The following PLA2G6 variants were observed in gnomAD, a reference collection of about 807,000 sequenced individuals.
The protein encoded by PLA2G6 is 85/88 kDa calcium-independent phospholipase A2.
A neutral mutation model predicts 83.8 loss-of-function variants in PLA2G6; 62 were observed. The ratio of observed to expected loss-of-function variants is 0.74; its 90% confidence interval spans 0.60 to 0.91. The LOEUF (loss-of-function observed/expected upper bound fraction) is 0.91, where lower values mean the gene tolerates loss of function less well. Among genes scored for constraint, PLA2G6 ranks in the 40% least tolerant of loss-of-function variants. The pLI is 0.00. For missense variants in PLA2G6, 944 were observed against 1,102.0 expected (o/e 0.86, Z 2.03); for synonymous variants, 417 against 449.8 (o/e 0.93, Z 0.92).
At chr22:38,122,603 T>C (rs749894739) in intron 11 of PLA2G6, among the ~76,000 whole-genome samples, 13 of 152,160 alleles carry the variant, frequency 8.5e-5, no homozygotes, top group Non-Finnish European at 1.8e-4. Flanking sequence ...TGACTTCACG[T>C]CATCCCTCCC....
At chr22:38,157,992 C>T (rs1012542549) in intron 2 of PLA2G6, among the ~76,000 whole-genome samples, 1 of 151,278 alleles carries the variant, frequency 6.6e-6, no homozygotes, top group African/African-American at 2.4e-5. Flanking sequence ...GCTGAGATTG[C>T]ACCACCGCAC....
At chr22:38,138,676 ATT>A (rs1168875209) in intron 5 of PLA2G6, 1 of 151,532 alleles carries the variant, frequency 6.6e-6, no homozygotes, top group Non-Finnish European at 1.5e-5. Context: ...GTTAGATAGT[ATT>A]TTTTTTCTTG....
chr22:38,126,448 T>A lies in PLA2G6; in HGVS notation c.1350A>T (p.Glu450Asp). ...GTGAGATGTGCATGAGATCCTGTAG[T>A]TCTGTGAGGCACAGAGCAGGGCATG... ...QPPPISLNNL[E>D]LQDLMHISRA... The change falls in exon 10 of 17, where the codon GAA becomes GAT. Residue 450 changes from glutamate to aspartate, a missense_variant and splice_region_variant. By Grantham distance (45) the Glu-to-Asp change is conservative. Transcript: ENST00000332509. The A allele has an allele frequency of 6.2e-7, 1 of 1,612,098 alleles. No individual in the cohort carries two copies. Among genetic ancestry groups the A allele is most frequent in the East Asian group, 2.2e-5 (1 of 44,874 alleles).
In PLA2G6 at chr22:38,129,537, G is replaced by C. The variant is rs376497527; in HGVS notation, c.1103C>G (p.Ala368Gly). 6.2e-7 allele frequency: 1 copy of C among 1,613,494 alleles called. No homozygotes were observed. The highest frequency in any genetic ancestry group is 1.3e-5 in the African/African-American group (1 of 74,914). Residue 368 changes from alanine (A) to glycine (G), a missense_variant, in exon 8 of 17, where the codon GCC becomes GGC. Coordinates refer to ENST00000332509, the MANE Select transcript of PLA2G6 (RefSeq NM_003560.4). Reference protein sequence around the residue: ...MSKDNVEMIKALIVFGAEVDT... With the variant: ...MSKDNVEMIKGLIVFGAEVDT... ...CACTTCTGCTCCGAACACGATGAGG[G>C]CCTTGATCATCTCCACGTTGTCTTT...
At chr22:38,157,176 A>G (rs901613857) in intron 2 of PLA2G6, among the ~76,000 whole-genome samples, 2 of 152,160 alleles carry the variant, frequency 1.3e-5, no homozygotes, top group African/African-American at 4.8e-5. Context: ...AACAAAATAA[A>G]GTTTTTTGAA....
chr22:38,129,677 C>T (rs2088090729), intron 7 of PLA2G6, 115 bp from the exon 8 acceptor site: 2 of 755,150 alleles, frequency 2.6e-6, no homozygotes, highest in Non-Finnish European at 4.8e-6. Flanking sequence ...CTCCTCAGCA[C>T]GGGGAGACAC....
chr22:38,122,984 G>T lies in PLA2G6; in HGVS notation c.1591+111C>A, dbSNP rs942232118. 3.7e-6 allele frequency: 4 copies of T among 1,071,704 alleles called. 1 individual carries two copies. Among genetic ancestry groups the T allele is most frequent in the Non-Finnish European group, 4.1e-6 (3 of 727,072 alleles). 66.4% of individuals were successfully genotyped at this position (1,071,704 alleles called of 1,614,324 possible). A position where few individuals can be genotyped will look rare whatever the true frequency, so the allele number is the denominator to read the frequency against. On this transcript the variant is annotated intron_variant, in intron 11 of 16. Coordinates refer to ENST00000332509, the MANE Select transcript of PLA2G6 (RefSeq NM_003560.4). The stretch of plus-strand genomic sequence containing the variant: ...CCCCTGCCTCCTCAAAGTGCTTATA[G>T]CCCTCCTCTACTCCTCCACTCTCTT...
At position 38,145,544 on chromosome 22, in the gene PLA2G6, G is replaced by A; in HGVS notation, c.319C>T (p.Leu107=). ...CGGATGAGGTCGGTCAGGTGCTGCA[G>A]GACCTCAGTGTGCAGGACCTGAGGG... is the stretch of plus-strand genomic sequence containing the variant. ...SSPQVLHTEV[L]QHLTDLIRNH... is the part of the protein sequence containing the mutation. The change falls in exon 3 of 17, where the codon CTG becomes TTG. Residue 107 remains leucine (L), a synonymous_variant. Transcript: ENST00000332509. The A allele has an allele frequency of 6.2e-7, 1 of 1,613,394 alleles. No individual in the cohort carries two copies. Among genetic ancestry groups the A allele is most frequent in the Non-Finnish European group, 8.5e-7 (1 of 1,179,530 alleles).
At chr22:38,167,450 C>A (rs1229065874) in intron 2 of PLA2G6, among the ~76,000 whole-genome samples, 1 of 152,024 alleles carries the variant, frequency 6.6e-6, no homozygotes, top group African/African-American at 2.4e-5. Flanking sequence ...TAGTGGTATC[C>A]CCAGGGCCGT....
rs985807665 is a variant in PLA2G6 at position 38,132,691 on chromosome 22, G to C, written c.1077+140C>G. 8.8e-6 allele frequency: 7 copies of C among 795,254 alleles called. No individual in the cohort carries two copies. The highest frequency in any genetic ancestry group is 1.4e-5 in the Non-Finnish European group (7 of 493,894). 49.3% of individuals were successfully genotyped at this position (795,254 alleles called of 1,614,324 possible). A position where few individuals can be genotyped will look rare whatever the true frequency, so the allele number is the denominator to read the frequency against. Reference sequence around the variant, plus strand: ...CTTCCTGAGGGAGGAGTCAGGGTCTGAACTGAGCTTTGGGTGGGAAGATGA... The same window carrying C: ...CTTCCTGAGGGAGGAGTCAGGGTCTCAACTGAGCTTTGGGTGGGAAGATGA... On this transcript the variant is annotated intron_variant, in intron 7 of 16. Transcript: ENST00000332509. This position sits in a 1 kb window ranked among gnomAD's most constrained non-coding sequence, Gnocchi z 5.0.
chr22:38,161,315 C>T (rs1489896402), intron 2 of PLA2G6, among the ~76,000 whole-genome samples: 1 of 152,030 alleles, frequency 6.6e-6, no homozygotes, highest in Non-Finnish European at 1.5e-5. Flanking sequence ...TCCTGGTTTG[C>T]AGATGGCTAT....
chr22:38,158,980 T>C (rs1348185216), intron 2 of PLA2G6, among the ~76,000 whole-genome samples: 1 of 151,856 alleles, frequency 6.6e-6, no homozygotes, highest in Non-Finnish European at 1.5e-5. Flanking sequence ...GGGTGGATCA[T>C]CTGAGGTCAG....
chr22:38,133,975 G>A (rs1364113087), intron 6 of PLA2G6: 3 of 152,296 alleles, frequency 2.0e-5, no homozygotes, highest in East Asian at 1.9e-4. Context: ...TGCTGCTAAC[G>A]GAGATTAACA....
Position 38,132,814 on chromosome 22 carries a change from C to T in PLA2G6, c.1077+17G>A, listed in dbSNP as rs1249504950. On this transcript the variant is annotated intron_variant, in intron 7 of 16. Transcript: ENST00000332509. This position sits in a 1 kb window ranked among gnomAD's most constrained non-coding sequence, Gnocchi z 5.0. ...CACCGGGGCCCCACAGGGCAGGACA[C>T]GCGGTCCTGGGCTCACCGACATGGC... 5.2e-6 allele frequency: 8 copies of T among 1,538,394 alleles called. No individual in the cohort carries two copies. In the African/African-American group the frequency reaches 6.9e-5, roughly 13 times the overall value.
intron 12 of PLA2G6, among the ~76,000 whole-genome samples, chr22:38,119,425 A>G (rs751253787): frequency 6.6e-6 from 1 of 152,248 alleles, no homozygotes; most frequent in Non-Finnish European, 1.5e-5. Flanking sequence ...ACAAAAATCA[A>G]TTCCAGGTTG....
At chr22:38,154,226 C>A (rs771908556) in intron 2 of PLA2G6, among the ~76,000 whole-genome samples, 1 of 152,218 alleles carries the variant, frequency 6.6e-6, no homozygotes, top group Non-Finnish European at 1.5e-5. Context: ...CACCTGCTGA[C>A]TGTAGAGCCC....
Position 38,123,326 on chromosome 22 carries a change from A to C in PLA2G6, c.1428-68T>G. Reference sequence around the variant, plus strand: ...AGCCCAGTACTTTACATCCACCCTCATAGCCCTTGTCCCCTGCAGCTGTGT... The same window carrying C: ...AGCCCAGTACTTTACATCCACCCTCCTAGCCCTTGTCCCCTGCAGCTGTGT... On this transcript the variant is annotated intron_variant, in intron 10 of 16. Transcript: ENST00000332509. This position sits in a 1 kb window ranked among gnomAD's most constrained non-coding sequence, Gnocchi z 4.1. The C allele has an allele frequency of 1.6e-5, 23 of 1,481,460 alleles. No individual in the cohort carries two copies. Among genetic ancestry groups the C allele is most frequent in the Non-Finnish European group, 2.1e-5 (23 of 1,086,398 alleles). 91.8% of individuals were successfully genotyped at this position (1,481,460 alleles called of 1,614,324 possible).
Position 38,140,072 on chromosome 22 carries a change from A to AC in PLA2G6, c.706dup (p.Val236GlyfsTer146). 6.2e-7 allele frequency: 1 copy of AC among 1,614,048 alleles called. No individual in the cohort carries two copies. The highest frequency in any genetic ancestry group is 8.5e-7 in the Non-Finnish European group (1 of 1,179,978). On this transcript the variant is annotated frameshift_variant, in exon 5 of 17. Transcript: ENST00000332509. LOFTEE classifies it high-confidence loss of function. The stretch of plus-strand genomic sequence containing the variant: ...AGCATTGCACAGCAGCAGCACGCGG[A>AC]CCATCTCCTGCTTCCCCAGCTGGCA...
chr22:38,127,771 C>T (rs1013897835), intron 9 of PLA2G6, among the ~76,000 whole-genome samples: 3 of 152,170 alleles, frequency 2.0e-5, no homozygotes, highest in African/African-American at 2.4e-5. Context: ...AGGAATGCAC[C>T]GGGGCAGATG....
Sources: gnomAD v4.1 joint callset for allele counts (sites outside exome capture counted in the v4.1 genomes callset) on GRCh38, gnomAD v4.1.1 for gene constraint, Gnocchi (gnomAD v3.1) non-coding constraint, MANE v1.5 for transcripts, NCBI Gene and HGNC (gene_info 2026-07-23, HGNC 2026-07-21) for gene names.